The following HMCN1 variants were observed in gnomAD, a reference collection of about 807,000 sequenced individuals.
HMCN1 encodes hemicentin-1.
A neutral mutation model predicts 625.9 loss-of-function variants in HMCN1; 321 were observed. That is an observed-to-expected ratio of 0.51 (90% confidence interval 0.47 to 0.56). The LOEUF (loss-of-function observed/expected upper bound fraction) is 0.56, where lower values mean the gene tolerates loss of function less well. Among genes scored for constraint, HMCN1 ranks in the 20% least tolerant of loss-of-function variants. HMCN1 has a pLI of 0.00. For synonymous variants in HMCN1, 2,425 were observed against 2,417.6 expected (o/e 1.00, Z -0.09); for missense variants, 6,588 against 6,887.3 (o/e 0.96, Z 1.54).
intron 4 of HMCN1, among the ~76,000 whole-genome samples, chr1:185,866,548 G>T (rs1373414340): frequency 1.3e-5 from 2 of 151,654 alleles, no homozygotes; most frequent in African/African-American, 2.4e-5. Context: ...GGGACTACAG[G>T]CGCCCACCAC....
intron 103 of HMCN1, among the ~76,000 whole-genome samples, chr1:186,176,432 GAATT>G (rs1447686340): frequency 6.6e-6 from 1 of 152,046 alleles, no homozygotes; most frequent in Non-Finnish European, 1.5e-5. Flanking sequence ...TCTGCTGATA[GAATT>G]AAGATCTACA....
chr1:186,004,388 A>C (rs146167367), intron 29 of HMCN1, among the ~76,000 whole-genome samples: 432 of 152,270 alleles, frequency 2.8e-3, no homozygotes, highest in Non-Finnish European at 4.8e-3. Context: ...CTGGGAACAG[A>C]TATCTAAGGC....
intron 67 of HMCN1, among the ~76,000 whole-genome samples, chr1:186,094,716 A>G (rs1487400284): frequency 3.9e-5 from 6 of 152,166 alleles, no homozygotes; most frequent in Non-Finnish European, 8.8e-5. Flanking sequence ...TATTCAAACT[A>G]TGAATGGATG....
chr1:186,079,447 C>T (rs1214654433), intron 55 of HMCN1, among the ~76,000 whole-genome samples: 2 of 152,160 alleles, frequency 1.3e-5, no homozygotes, highest in African/African-American at 2.4e-5. Flanking sequence ...TGCACAGTGT[C>T]GCAGAGCAGT....
chr1:185,951,125 A>G (rs1222966520), intron 11 of HMCN1, among the ~76,000 whole-genome samples: 4 of 151,504 alleles, frequency 2.6e-5, no homozygotes, highest in Non-Finnish European at 5.9e-5. Context: ...GAGTAGAGGT[A>G]TCTTATACTT....
chr1:186,166,230 CAATGCCAT>C lies in HMCN1; in HGVS notation c.15367_15374del (p.Asn5123GlyfsTer9). ...GGAATCCCTGCTCCCATAGCTGCCA[CAATGCCAT>C]GGGGACTTACTACTGCTCCTGCCCT... On this transcript the variant is annotated frameshift_variant, in exon 99 of 107. Transcript: ENST00000271588. LOFTEE classifies it high-confidence loss of function. 1 of 1,614,022 alleles carries C rather than the reference CAATGCCAT, an allele frequency of 6.2e-7. No homozygotes were observed. The highest frequency in any genetic ancestry group is 8.5e-7 in the Non-Finnish European group (1 of 1,179,878).
intron 1 of HMCN1, among the ~76,000 whole-genome samples, chr1:185,831,364 AT>A (rs2102289804): frequency 6.6e-6 from 1 of 152,278 alleles, no homozygotes; most frequent in Non-Finnish European, 1.5e-5. Context: ...AAAACCCCAA[AT>A]CTATTAACAG....
intron 75 of HMCN1, among the ~76,000 whole-genome samples, chr1:186,116,478 C>A (rs1661139550): frequency 6.6e-6 from 1 of 151,474 alleles, no homozygotes; most frequent in African/African-American, 2.4e-5. Flanking sequence ...TACAAGGTAG[C>A]CACACATTTA....
rs561097213 is a variant in HMCN1, at chr1:185,854,499, G to A, written c.339+8403G>A. On this transcript the variant is annotated intron_variant, in intron 2 of 106. Coordinates refer to ENST00000271588, the MANE Select transcript of HMCN1 (RefSeq NM_031935.3). ...GGGACTCCTATGGAGCAATGTCTGG[G>A]GAGCTTCTTTTAATGCTGGAGGCTG... is the stretch of plus-strand genomic sequence containing the variant. 2.0e-3 allele frequency among the ~76,000 whole-genome samples: 309 copies of A among 152,208 alleles called. 2 individuals are homozygous for A. The highest frequency in any genetic ancestry group is 7.2e-3 in the African/African-American group (301 of 41,548).
intron 11 of HMCN1, among the ~76,000 whole-genome samples, chr1:185,939,004 G>A (rs1165815472): frequency 6.6e-6 from 1 of 151,960 alleles, no homozygotes; most frequent in African/African-American, 2.4e-5. Flanking sequence ...ATATTCAAGG[G>A]TTCAGGAAAA....
intron 19 of HMCN1, among the ~76,000 whole-genome samples, chr1:185,986,958 C>T (rs74134266): frequency 0.022 from 3,339 of 151,578 alleles, 121 homozygotes; most frequent in African/African-American, 0.076. Context: ...AATGTAGTAA[C>T]TCACTAAGTG....
chr1:186,003,559 G>T (rs1653334418), intron 28 of HMCN1, among the ~76,000 whole-genome samples, 159 bp from the exon 29 acceptor site: 1 of 152,022 alleles, frequency 6.6e-6, no homozygotes, highest in African/African-American at 2.4e-5. Context: ...TAACATTTGG[G>T]TACACAGAAA....
intron 86 of HMCN1, among the ~76,000 whole-genome samples, 197 bp downstream of exon 86, chr1:186,132,606 A>T (rs545999635): frequency 1.3e-5 from 2 of 151,856 alleles, no homozygotes; most frequent in Non-Finnish European, 2.9e-5. Context: ...TCTCTATTTT[A>T]TCTAACGTAT....
intron 105 of HMCN1, among the ~76,000 whole-genome samples, chr1:186,183,302 A>G (rs78137894): frequency 0.014 from 2,142 of 152,280 alleles, 50 homozygotes; most frequent in African/African-American, 0.044. Context: ...AGGAGGCAAA[A>G]CCAAGGTGGA....
intron 1 of HMCN1, among the ~76,000 whole-genome samples, chr1:185,782,247 C>T (rs542229283): frequency 7.9e-5 from 12 of 152,240 alleles, no homozygotes; most frequent in South Asian, 6.2e-4. Context: ...TTTCTCTGCA[C>T]GTGAGATGGG....
At chr1:185,735,921 G>A (rs533233349) in intron 1 of HMCN1, among the ~76,000 whole-genome samples, 1 of 152,302 alleles carries the variant, frequency 6.6e-6, no homozygotes, top group African/African-American at 2.4e-5. Context: ...AGCACAAGTT[G>A]CTGCCCAGTT....
chr1:185,982,333 A>G lies in HMCN1; in HGVS notation c.2734A>G (p.Thr912Ala), dbSNP rs763378460. The part of the protein sequence containing the change: ...IEGQQLTLPC[T>A]LLAGNPIPER... ...AGGACAGCAGCTTACTTTGCCCTGT[A>G]CTCTGTTAGCTGGAAATCCCATTCC... The change falls in exon 18 of 107, where the codon ACT becomes GCT. Residue 912 changes from threonine (T) to alanine (A), a missense_variant. Transcript: ENST00000271588. The G allele has an allele frequency of 6.2e-6, 10 of 1,613,164 alleles. No individual in the cohort carries two copies. Among genetic ancestry groups the G allele is most frequent in the African/African-American group, 1.3e-5 (1 of 74,834 alleles).
At chr1:185,931,921 T>G (rs1373887558) in intron 10 of HMCN1, among the ~76,000 whole-genome samples, 1 of 152,192 alleles carries the variant, frequency 6.6e-6, no homozygotes, top group African/African-American at 2.4e-5. Context: ...GTCACACAAC[T>G]AATTAGGGGT....
chr1:185,740,102 A>G (rs1339048117), intron 1 of HMCN1, among the ~76,000 whole-genome samples: 1 of 152,152 alleles, frequency 6.6e-6, no homozygotes, highest in Non-Finnish European at 1.5e-5. Flanking sequence ...AGTCAGAAAT[A>G]TGGTTGAGTC....
Sources: gnomAD v4.1 joint callset for allele counts (sites outside exome capture counted in the v4.1 genomes callset) on GRCh38, gnomAD v4.1.1 for gene constraint, MANE v1.5 for transcripts, NCBI Gene and HGNC (gene_info 2026-07-23, HGNC 2026-07-21) for gene names.